The following WDR31 variants were observed in gnomAD, a reference collection of about 807,000 sequenced individuals.
WDR31 encodes WD repeat-containing protein 31.
A neutral mutation model predicts 47.3 loss-of-function variants in WDR31; 30 were observed. The ratio of observed to expected loss-of-function variants is 0.63; its 90% CI spans 0.47 to 0.86. WDR31 has a LOEUF of 0.86. Ranked by LOEUF, WDR31 falls within the 40% of genes least tolerant of loss-of-function variation. The pLI is 0.00. For synonymous variants in WDR31, 137 were observed against 159.4 expected, an observed-to-expected ratio of 0.86 and a Z score of 1.06; for missense variants, 406 against 442.9, an observed-to-expected ratio of 0.92 and a Z score of 0.75.
intron 5 of WDR31, among the ~76,000 whole-genome samples, chr9:113,323,569 A>G (rs1177699053): frequency 6.6e-6 from 1 of 152,170 alleles, no homozygotes; most frequent in African/African-American, 2.4e-5. Flanking sequence ...GCCCCCACAC[A>G]CACTTCTCAA....
intron 1 of WDR31, among the ~76,000 whole-genome samples, chr9:113,338,536 G>A (rs1331912481): frequency 1.3e-5 from 2 of 152,076 alleles, no homozygotes; most frequent in Admixed American, 6.5e-5. Context: ...CTTAGCCTAG[G>A]AGAATGAACG....
rs771053725 is a variant in WDR31, at chr9:113,332,069, A to T, written c.-28-19T>A. On this transcript the variant is annotated intron_variant, in intron 2 of 10. Coordinates refer to ENST00000374193, the MANE Select transcript of WDR31 (RefSeq NM_001012361.4). The stretch of plus-strand genomic sequence containing the variant: ...GTGTTCCCTGTTTAATAAAAAGAAG[A>T]ATACATGTTGTTAATTTTGTTAGGC... 6.5e-7 allele frequency: 1 copy of T among 1,539,354 alleles called. No homozygotes were observed. Among genetic ancestry groups the T allele is most frequent in the Non-Finnish European group, 9.0e-7 (1 of 1,114,652 alleles).
At chr9:113,323,778 C>T (rs372292746) in intron 5 of WDR31, among the ~76,000 whole-genome samples, 1 of 152,222 alleles carries the variant, frequency 6.6e-6, no homozygotes, top group Non-Finnish European at 1.5e-5. Context: ...TATAGAACTT[C>T]CTCCTGTGGG....
intron 7 of WDR31, among the ~76,000 whole-genome samples, chr9:113,322,361 T>C (rs935462026): frequency 2.0e-5 from 3 of 152,156 alleles, no homozygotes; most frequent in African/African-American, 7.2e-5. Context: ...ACCAGTCTGC[T>C]ACTAGAAAAC....
At chr9:113,333,370 ATTT>A (rs60772699) in intron 2 of WDR31, among the ~76,000 whole-genome samples, 1 of 102,926 alleles carries the variant, frequency 9.7e-6, no homozygotes. Flanking sequence ...TGGTTGTTGG[ATTT>A]TTTTTTTTTT....
intron 2 of WDR31, among the ~76,000 whole-genome samples, chr9:113,333,100 T>C (rs551635434): frequency 1.3e-5 from 2 of 152,186 alleles, no homozygotes; most frequent in South Asian, 4.2e-4. Flanking sequence ...CAGTTATTTT[T>C]TTATAGCAAC....
Position 113,313,527 on chromosome 9 carries a change from A to C in WDR31, c.*3222T>G, listed in dbSNP as rs149210774. 1 of 152,368 alleles carries C rather than the reference A, an allele frequency of 6.6e-6. No individual in the cohort carries two copies. Among genetic ancestry groups the C allele is most frequent in the Admixed American group, 6.5e-5 (1 of 15,302 alleles). The allele number at this position is 152,368 out of a possible 1,614,324, so 9.4% of individuals were successfully genotyped here. A position where few individuals can be genotyped will look rare whatever the true frequency, so the allele number is the denominator to read the frequency against. Reference sequence around the variant, plus strand: ...AGTTAATAACTGGTCTTGAAGATACAAACAATGTCATGGTCTATGACTTTG... The same window carrying C: ...AGTTAATAACTGGTCTTGAAGATACCAACAATGTCATGGTCTATGACTTTG... On this transcript the variant is annotated 3_prime_UTR_variant, in exon 11 of 11. Transcript: ENST00000374193.
At chr9:113,335,249 C>G (rs924261206) in intron 2 of WDR31, among the ~76,000 whole-genome samples, 1 of 152,052 alleles carries the variant, frequency 6.6e-6, no homozygotes, top group Non-Finnish European at 1.5e-5. Context: ...GGTCCTATAC[C>G]AGTTGCTGGT....
At chr9:113,321,320 G>A (rs1006709827) in intron 8 of WDR31, among the ~76,000 whole-genome samples, 191 bp downstream of exon 8, 1 of 152,200 alleles carries the variant, frequency 6.6e-6, no homozygotes, top group African/African-American at 2.4e-5. Context: ...CTGATCTCAT[G>A]ACACACAACC....
intron 2 of WDR31, among the ~76,000 whole-genome samples, chr9:113,334,786 T>G (rs961459561): frequency 1.4e-5 from 2 of 144,444 alleles, no homozygotes; most frequent in African/African-American, 2.6e-5. Flanking sequence ...CTCAAACCCC[T>G]GACCTCAGGT....
chr9:113,316,911 TG>T lies in WDR31; in HGVS notation c.944-3del, dbSNP rs767837831. ...CCAGAGACAAGGTGAAAAGGCAGGC[TG>T]GGGGGGAAAGGGGGACCAGCAGATT... On this transcript the variant is annotated splice_region_variant and splice_polypyrimidine_tract_variant and intron_variant, in intron 10 of 10. Transcript: ENST00000374193. 11 of 1,612,526 alleles carry T rather than the reference TG, an allele frequency of 6.8e-6. No homozygotes were observed. Among genetic ancestry groups the T allele is most frequent in the East Asian group, 6.7e-5 (3 of 44,868 alleles).
chr9:113,327,895 T>G (rs1833512936), intron 5 of WDR31, among the ~76,000 whole-genome samples: 2 of 152,172 alleles, frequency 1.3e-5, no homozygotes, highest in African/African-American at 4.8e-5. Flanking sequence ...GAGGTTGCAG[T>G]GAGCTTTGAT....
chr9:113,324,932 A>G (rs970676367), intron 5 of WDR31, among the ~76,000 whole-genome samples: 13 of 147,316 alleles, frequency 8.8e-5, no homozygotes, highest in Admixed American at 1.4e-4. Context: ...GCTGTTTTGC[A>G]TTAGATATGT....
chr9:113,339,059 A>T (rs1022554226), intron 1 of WDR31, among the ~76,000 whole-genome samples: 1 of 152,186 alleles, frequency 6.6e-6, no homozygotes, highest in African/African-American at 2.4e-5. Context: ...AAATCTACAG[A>T]TTCAGTTATG....
chr9:113,334,012 CCTTT>C (rs1833661730), intron 2 of WDR31, among the ~76,000 whole-genome samples: 1 of 151,360 alleles, frequency 6.6e-6, no homozygotes, highest in Non-Finnish European at 1.5e-5. Flanking sequence ...TTCTCCTTCT[CCTTT>C]CTTTTTTTTT....
intron 10 of WDR31, 60 bp downstream of exon 10, chr9:113,318,415 T>C (rs1164851004): frequency 6.2e-7 from 1 of 1,600,402 alleles, no homozygotes. Flanking sequence ...AGAAGGAGTT[T>C]TAAAGAAGGT....
At chr9:113,338,302 A>G (rs1178067214) in intron 1 of WDR31, among the ~76,000 whole-genome samples, 1 of 152,182 alleles carries the variant, frequency 6.6e-6, no homozygotes, top group Non-Finnish European at 1.5e-5. Context: ...GAGTGATTGG[A>G]CCCAATAAAG....
intron 8 of WDR31, 42 bp downstream of exon 8, chr9:113,321,469 A>G (rs773888513): frequency 3.1e-6 from 5 of 1,602,746 alleles, no homozygotes; most frequent in Middle Eastern, 1.7e-4. Context: ...GGGAGCCACA[A>G]ACCTCACAAG....
chr9:113,317,188 C>T (rs1031995416), intron 10 of WDR31, among the ~76,000 whole-genome samples: 5 of 152,088 alleles, frequency 3.3e-5, no homozygotes, highest in Admixed American at 6.6e-5. Context: ...ACAAAGGTGC[C>T]CTCAGTCACC....
Sources: allele counts gnomAD v4.1 joint callset (sites outside exome capture counted in the v4.1 genomes callset), GRCh38; gene constraint gnomAD v4.1.1; transcripts MANE v1.5; gene names NCBI Gene and HGNC (gene_info 2026-07-23, HGNC 2026-07-21).